NRP1: variants seen among roughly 807,000 people sequenced by gnomAD.
NRP1 encodes the protein neuropilin-1.
Under a neutral mutation model 106.7 loss-of-function variants are expected in NRP1, and 35 were observed. The observed-to-expected ratio is 0.33, with a 90% CI of 0.25 to 0.43. NRP1 has a LOEUF of 0.43. Ranked by LOEUF, NRP1 falls within the 20% of genes least tolerant of loss-of-function variation. The probability of loss-of-function intolerance (pLI) is 1.00; values close to 1 mark genes in which losing one functional copy is unlikely to be tolerated. For synonymous variants in NRP1, 437 were observed against 417.9 expected, an observed-to-expected ratio of 1.05 and a Z score of -0.56; for missense variants, 1,024 against 1,170.4, an observed-to-expected ratio of 0.87 and a Z score of 1.83.
intron 13 of NRP1, among the ~76,000 whole-genome samples, chr10:33,191,836 G>C (rs572848748): frequency 6.6e-6 from 1 of 152,108 alleles, no homozygotes; most frequent in Non-Finnish European, 1.5e-5. Flanking sequence ...AAATTAGCTG[G>C]GTGTGGTGGT....
At chr10:33,204,346 A>C (rs1159097485) in intron 10 of NRP1, among the ~76,000 whole-genome samples, 1 of 152,198 alleles carries the variant, frequency 6.6e-6, no homozygotes, top group African/African-American at 2.4e-5. Context: ...GTAATAACTA[A>C]GAAGTCACCA....
At chr10:33,297,686 CAA>C (rs10711145) in intron 2 of NRP1, among the ~76,000 whole-genome samples, 178 of 95,940 alleles carry the variant, frequency 1.9e-3, no homozygotes, top group South Asian at 4.6e-3. Flanking sequence ...GACTTTGTCT[CAA>C]AAAAAAAAAA....
intron 2 of NRP1, among the ~76,000 whole-genome samples, chr10:33,319,002 C>CTTTTTTTTTTTTT (rs36010472): frequency 1.1e-5 from 1 of 90,764 alleles, no homozygotes; most frequent in African/African-American, 3.5e-5. Context: ...TCTTTTCTTT[C>CTTTTTTTTTTTTT]TTTTTTTTTT....
intron 16 of NRP1, among the ~76,000 whole-genome samples, chr10:33,181,070 C>T (rs916086315): frequency 1.3e-5 from 2 of 152,186 alleles, no homozygotes; most frequent in African/African-American, 4.8e-5. Flanking sequence ...GAGACAGTTG[C>T]ACTGCTCTGC....
chr10:33,263,612 C>G lies in NRP1; in HGVS notation c.658+34G>C, dbSNP rs763145164. On this transcript the variant is annotated intron_variant, in intron 4 of 16. Transcript: ENST00000374867. ...AATACTGGTGCCCTTCCTCCAGAACCTTCCCTTTTTGGGGTGCTTCCTGTC... is the reference window on the plus strand; with the variant it reads ...AATACTGGTGCCCTTCCTCCAGAACGTTCCCTTTTTGGGGTGCTTCCTGTC... 3.9e-6 allele frequency: 6 copies of G among 1,532,742 alleles called. No homozygotes were observed. In the South Asian group the frequency reaches 6.7e-5, roughly 17 times the overall value. The allele number at this position is 1,532,742 out of a possible 1,614,324, so 94.9% of individuals were successfully genotyped here.
At chr10:33,242,082 C>T (rs16934246) in intron 6 of NRP1, among the ~76,000 whole-genome samples, 4,205 of 152,240 alleles carry the variant, frequency 0.028, 197 homozygotes, top group African/African-American at 0.095. Flanking sequence ...AGTTGATAGT[C>T]GGAGCTGAAT....
chr10:33,312,743 G>C (rs951613866), intron 2 of NRP1, among the ~76,000 whole-genome samples: 1 of 152,136 alleles, frequency 6.6e-6, no homozygotes, highest in African/African-American at 2.4e-5. Context: ...CGCTGCCTTT[G>C]AGACACAAAG....
Position 33,226,010 on chromosome 10 carries a change from A to T in NRP1, c.1137+124T>A, listed in dbSNP as rs1839634458. 5.6e-6 allele frequency: 6 copies of T among 1,071,694 alleles called. No homozygotes were observed. The South Asian group carries it at 9.4e-5, about 17-fold the overall frequency. 66.4% of individuals were successfully genotyped at this position (1,071,694 alleles called of 1,614,324 possible). A position where few individuals can be genotyped will look rare whatever the true frequency, so the allele number is the denominator to read the frequency against. ...TGGTTAGATTTAAACCTCTAATTGCACTTTTCATTTCAAATCAATTCAAAA... is the reference window on the plus strand; with the variant it reads ...TGGTTAGATTTAAACCTCTAATTGCTCTTTTCATTTCAAATCAATTCAAAA... On this transcript the variant is annotated intron_variant, in intron 7 of 16. Transcript: ENST00000374867.
intron 6 of NRP1, chr10:33,249,352 GA>G: frequency 2.3e-6 from 1 of 429,578 alleles, no homozygotes. Context: ...AAATGAAAAG[GA>G]AAAACTGAAA....
intron 2 of NRP1, among the ~76,000 whole-genome samples, chr10:33,308,782 C>G (rs968137112): frequency 6.6e-6 from 1 of 152,018 alleles, no homozygotes; most frequent in Admixed American, 6.6e-5. Flanking sequence ...AGCCACCATG[C>G]CTGGCCTCAA....
At chr10:33,193,431 T>C (rs1408062590) in intron 12 of NRP1, among the ~76,000 whole-genome samples, 2 of 152,242 alleles carry the variant, frequency 1.3e-5, no homozygotes, top group African/African-American at 4.8e-5. Context: ...TGCCCCCTCC[T>C]TTCGTCCTCC....
At chr10:33,334,071 G>A (rs958506563) in intron 1 of NRP1, among the ~76,000 whole-genome samples, 23 of 152,210 alleles carry the variant, frequency 1.5e-4, no homozygotes, top group African/African-American at 5.5e-4. Context: ...TGTAACAGAG[G>A]TAAGGAAAAG....
intron 3 of NRP1, among the ~76,000 whole-genome samples, chr10:33,268,297 G>T (rs1288830789): frequency 6.6e-6 from 1 of 152,172 alleles, no homozygotes; most frequent in African/African-American, 2.4e-5. Flanking sequence ...CTTCCTGCCT[G>T]TTTGAGAAGC....
intron 13 of NRP1, among the ~76,000 whole-genome samples, chr10:33,188,376 T>C (rs1249164381): frequency 6.6e-6 from 1 of 152,016 alleles, no homozygotes; most frequent in African/African-American, 2.4e-5. Flanking sequence ...CATAATCACT[T>C]CCCATCCACA....
At chr10:33,281,004 G>T (rs1287554302) in intron 2 of NRP1, among the ~76,000 whole-genome samples, 1 of 149,570 alleles carries the variant, frequency 6.7e-6, no homozygotes, top group Non-Finnish European at 1.5e-5. Context: ...AAAAGAAAAA[G>T]AAATAAAGAA....
At chr10:33,184,210 T>C (rs999687492) in intron 15 of NRP1, among the ~76,000 whole-genome samples, 1 of 152,126 alleles carries the variant, frequency 6.6e-6, no homozygotes, top group African/African-American at 2.4e-5. Flanking sequence ...GAGATGGGGT[T>C]TTGCCATGTT....
At chr10:33,241,140 G>T (rs1166950205) in intron 6 of NRP1, among the ~76,000 whole-genome samples, 1 of 152,156 alleles carries the variant, frequency 6.6e-6, no homozygotes, top group Non-Finnish European at 1.5e-5. Flanking sequence ...GCAGGAGAAA[G>T]GCAGTCAAAA....
chr10:33,198,271 A>G (rs1836954087), intron 11 of NRP1, among the ~76,000 whole-genome samples: 1 of 151,628 alleles, frequency 6.6e-6, no homozygotes. Context: ...ACTCCCGAGT[A>G]GCTGGGATTA....
At chr10:33,306,168 A>C (rs1337394312) in intron 2 of NRP1, among the ~76,000 whole-genome samples, 1 of 151,668 alleles carries the variant, frequency 6.6e-6, no homozygotes, top group Non-Finnish European at 1.5e-5. Flanking sequence ...TTTCCCCCCA[A>C]CTCTTTGTGA....
Sources: gnomAD v4.1 joint callset for allele counts (sites outside exome capture counted in the v4.1 genomes callset) on GRCh38, gnomAD v4.1.1 for gene constraint, MANE v1.5 for transcripts, NCBI Gene and HGNC (gene_info 2026-07-23, HGNC 2026-07-21) for gene names.